GALNTL6: variants seen among roughly 807,000 people sequenced by gnomAD.
GALNTL6 encodes the protein polypeptide N-acetylgalactosaminyltransferase-like 6.
GALNTL6 carries 46 observed loss-of-function variants against 73.7 expected under a neutral mutation model. That is an observed-to-expected ratio of 0.62 (90% CI 0.49 to 0.80). GALNTL6 has a LOEUF of 0.80. Among genes scored for constraint, GALNTL6 ranks in the 30% least tolerant of loss-of-function variants. The pLI is 0.00. For missense variants in GALNTL6, 604 were observed against 755.0 expected (o/e 0.80, Z 2.34); for synonymous variants, 259 against 263.7 (o/e 0.98, Z 0.17).
intron 2 of GALNTL6, among the ~76,000 whole-genome samples, chr4:172,163,377 A>G (rs1734530440): frequency 6.6e-6 from 1 of 151,966 alleles, no homozygotes; most frequent in Non-Finnish European, 1.5e-5. Context: ...TTTATGATAT[A>G]CTGTACAAAC....
In GALNTL6 at chr4:172,269,997, A is replaced by G. The variant is rs1738585210; in HGVS notation, c.247+40233A>G. The stretch of plus-strand genomic sequence containing the variant: ...GTAATCCGCCCACCTCGGCCTCCCA[A>G]AGTGCTGGGATTACAGGTATGAGCC... On this transcript the variant is annotated intron_variant, in intron 3 of 12. Transcript: ENST00000506823. 3.3e-5 allele frequency among the ~76,000 whole-genome samples: 5 copies of G among 152,120 alleles called. No homozygotes were observed. In the South Asian group the frequency reaches 1.0e-3, roughly 32 times the overall value.
chr4:172,751,704 A>C (rs1737433205), intron 5 of GALNTL6, among the ~76,000 whole-genome samples: 1 of 152,234 alleles, frequency 6.6e-6, no homozygotes, highest in Non-Finnish European at 1.5e-5. Flanking sequence ...GCACATCCAC[A>C]AGACACAAAA....
chr4:172,371,589 G>T (rs868080222), intron 5 of GALNTL6, among the ~76,000 whole-genome samples: 2 of 150,370 alleles, frequency 1.3e-5, no homozygotes, highest in Middle Eastern at 3.2e-3. Flanking sequence ...CTCCCTCTTT[G>T]TCTCTTCCTC....
rs955137743 is a variant in GALNTL6 at position 171,839,323 on chromosome 4, T to TA, written c.138+24613dup. On this transcript the variant is annotated intron_variant, in intron 2 of 12. Transcript: ENST00000506823. ...GCATATGATGCTACAATTTCTGATT[T>TA]AAAAAAAATCTGCCTGACTGGTTGA... is the stretch of plus-strand genomic sequence containing the variant. Among the ~76,000 whole-genome samples, 20 of 152,170 alleles carry TA rather than the reference T, an allele frequency of 1.3e-4. No individual in the cohort carries two copies. The East Asian group carries it at 1.7e-3, about 13-fold the overall frequency.
intron 2 of GALNTL6, among the ~76,000 whole-genome samples, chr4:172,044,922 C>T (rs911300997): frequency 6.6e-6 from 1 of 151,884 alleles, no homozygotes; most frequent in Admixed American, 6.6e-5. Context: ...TTTTTCTATA[C>T]AATATATTTC....
intron 5 of GALNTL6, among the ~76,000 whole-genome samples, chr4:172,721,256 T>C (rs1449164856): frequency 6.6e-6 from 1 of 152,132 alleles, no homozygotes; most frequent in Non-Finnish European, 1.5e-5. Flanking sequence ...TTCTTTAACA[T>C]TTATTCCACA....
chr4:172,375,964 C>T (rs1252478430), intron 5 of GALNTL6, among the ~76,000 whole-genome samples: 3 of 152,094 alleles, frequency 2.0e-5, no homozygotes, highest in East Asian at 1.9e-4. Context: ...AGAGTGATGC[C>T]CTTTGTCCTC....
intron 7 of GALNTL6, among the ~76,000 whole-genome samples, chr4:172,817,064 C>T (rs578089039): frequency 1.4e-5 from 2 of 147,448 alleles, no homozygotes; most frequent in East Asian, 4.0e-4. Flanking sequence ...GCAGAGATTG[C>T]ACCACTGTAC....
At chr4:171,840,115 A>G (rs1321090197) in intron 2 of GALNTL6, among the ~76,000 whole-genome samples, 1 of 152,200 alleles carries the variant, frequency 6.6e-6, no homozygotes, top group East Asian at 1.9e-4. Context: ...TTGTTTAACC[A>G]CATGGCACAC....
intron 2 of GALNTL6, among the ~76,000 whole-genome samples, chr4:171,995,826 A>G (rs1056488659): frequency 6.6e-6 from 1 of 152,088 alleles, no homozygotes; most frequent in South Asian, 2.1e-4. Context: ...GTAGTAGGAT[A>G]ACAACTTAGA....
chr4:172,445,294 T>C (rs954708561), intron 5 of GALNTL6, among the ~76,000 whole-genome samples: 1 of 152,186 alleles, frequency 6.6e-6, no homozygotes, highest in Admixed American at 6.6e-5. Flanking sequence ...TTATCTTGCC[T>C]GGTGACTTGA....
intron 2 of GALNTL6, among the ~76,000 whole-genome samples, chr4:172,154,521 T>C (rs1024896145): frequency 2.6e-5 from 4 of 152,192 alleles, no homozygotes; most frequent in African/African-American, 9.6e-5. Context: ...CTTGAGCTAC[T>C]GTGCCAGGCT....
chr4:173,032,770 T>C (rs1242623660), intron 12 of GALNTL6, among the ~76,000 whole-genome samples: 1 of 151,978 alleles, frequency 6.6e-6, no homozygotes, highest in Non-Finnish European at 1.5e-5. Context: ...TAAGAGAGTG[T>C]GAAGTGTTTG....
intron 3 of GALNTL6, among the ~76,000 whole-genome samples, chr4:172,286,397 T>G (rs1471964488): frequency 2.6e-5 from 4 of 151,984 alleles, no homozygotes; most frequent in Non-Finnish European, 5.9e-5. Flanking sequence ...CTGAAGAAAT[T>G]TTAGGAGTCA....
chr4:172,773,333 C>A (rs7695082), intron 5 of GALNTL6, among the ~76,000 whole-genome samples: 2 of 151,786 alleles, frequency 1.3e-5, no homozygotes, highest in Non-Finnish European at 2.9e-5. Context: ...CCCAAGTAGC[C>A]GGAATTATAG....
chr4:172,465,198 C>T (rs1254606239), intron 5 of GALNTL6, among the ~76,000 whole-genome samples: 1 of 152,192 alleles, frequency 6.6e-6, no homozygotes, highest in Non-Finnish European at 1.5e-5. Flanking sequence ...CTAGTACTGG[C>T]AGCGCGCGGT....
chr4:172,764,667 T>C (rs940094958), intron 5 of GALNTL6, among the ~76,000 whole-genome samples: 11 of 152,180 alleles, frequency 7.2e-5, no homozygotes, highest in Non-Finnish European at 1.5e-4. Context: ...ATCCTGTGTG[T>C]ATGTGCACCT....
Position 172,311,633 on chromosome 4 carries a change from A to G in GALNTL6, c.267A>G (p.Lys89=), listed in dbSNP as rs774890113. ...AMRSGKGEHG[K]PYPLTEEDHD... ...TGCTAGGGAAAGGTGAACATGGGAAACCTTACCCCCTTACTGAAGAGGACC... is the reference window on the plus strand; with the variant it reads ...TGCTAGGGAAAGGTGAACATGGGAAGCCTTACCCCCTTACTGAAGAGGACC... Residue 89 remains lysine, a synonymous_variant, in exon 4 of 13, where the codon AAA becomes AAG. Transcript: ENST00000506823. The G allele has an allele frequency of 1.2e-5, 20 of 1,605,066 alleles. No homozygotes were observed. In the African/African-American group the frequency reaches 2.6e-4, roughly 20 times the overall value.
intron 5 of GALNTL6, among the ~76,000 whole-genome samples, chr4:172,456,476 A>T (rs1473369757): frequency 6.6e-6 from 1 of 151,938 alleles, no homozygotes; most frequent in Non-Finnish European, 1.5e-5. Flanking sequence ...AAAATTGCTG[A>T]TTAGAATAAC....
Sources: allele counts gnomAD v4.1 joint callset (sites outside exome capture counted in the v4.1 genomes callset), GRCh38; gene constraint gnomAD v4.1.1; transcripts MANE v1.5; gene names NCBI Gene and HGNC (gene_info 2026-07-23, HGNC 2026-07-21).